The following GDPD4 variants were observed in gnomAD, a reference collection of about 807,000 sequenced individuals.
GDPD4 encodes the protein glycerophosphodiester phosphodiesterase 6.
A neutral mutation model predicts 67.8 loss-of-function variants in GDPD4; 60 were observed. The observed-to-expected ratio is 0.88, with a 90% confidence interval of 0.72 to 1.10. GDPD4 has a LOEUF of 1.10. Ranked by LOEUF, GDPD4 falls within the 50% of genes least tolerant of loss-of-function variation. The pLI is 0.00. For synonymous variants in GDPD4, 212 were observed against 210.9 expected (o/e 1.00, Z -0.04); for missense variants, 623 against 613.9 (o/e 1.01, Z -0.16).
chr11:77,220,901 C>T (rs969759138), intron 16 of GDPD4, among the ~76,000 whole-genome samples: 1 of 152,160 alleles, frequency 6.6e-6, no homozygotes, highest in Non-Finnish European at 1.5e-5. Flanking sequence ...TTGGTCTATT[C>T]AGGGATTCAA....
intron 13 of GDPD4, among the ~76,000 whole-genome samples, chr11:77,236,164 C>T (rs969408284): frequency 6.6e-6 from 1 of 151,698 alleles, no homozygotes; most frequent in Non-Finnish European, 1.5e-5. Context: ...TTTTCAGGTT[C>T]ACTATTGTTA....
At chr11:77,231,507 C>T (rs746619002) in intron 14 of GDPD4, among the ~76,000 whole-genome samples, 22 of 152,130 alleles carry the variant, frequency 1.4e-4, no homozygotes, top group Admixed American at 1.2e-3. Context: ...GGCTGGGAAC[C>T]ATGCATTGGG....
At chr11:77,233,208 C>A (rs1467297409) in intron 13 of GDPD4, 36 bp from the exon 14 acceptor site, 2 of 1,600,944 alleles carry the variant, frequency 1.2e-6, no homozygotes, top group Non-Finnish European at 8.6e-7. Flanking sequence ...GGATTTAGAT[C>A]AAGTTTCATT....
intron 3 of GDPD4, among the ~76,000 whole-genome samples, chr11:77,282,090 G>C (rs1192632226): frequency 6.6e-6 from 1 of 152,120 alleles, no homozygotes; most frequent in African/African-American, 2.4e-5. Flanking sequence ...GATGAGAATG[G>C]CTTATAACTC....
At chr11:77,266,683 C>T (rs897407001) in intron 10 of GDPD4, among the ~76,000 whole-genome samples, 3 of 152,022 alleles carry the variant, frequency 2.0e-5, no homozygotes, top group African/African-American at 4.8e-5. Flanking sequence ...GTGATATGAA[C>T]GATCCTGACC....
chr11:77,237,471 T>C (rs1565514102), intron 13 of GDPD4, among the ~76,000 whole-genome samples: 1 of 152,196 alleles, frequency 6.6e-6, no homozygotes, highest in Non-Finnish European at 1.5e-5. Context: ...TATAGAATAC[T>C]ACACCCAACA....
chr11:77,223,067 C>CCATCA (rs1007892455), intron 16 of GDPD4, among the ~76,000 whole-genome samples: 16 of 152,168 alleles, frequency 1.1e-4, no homozygotes, highest in Admixed American at 2.0e-4. Flanking sequence ...GTTTTCAGCT[C>CCATCA]CATCAGGTCA....
chr11:77,285,856 CA>C (rs1001158160), intron 2 of GDPD4, among the ~76,000 whole-genome samples: 3 of 152,110 alleles, frequency 2.0e-5, no homozygotes, highest in Admixed American at 6.5e-5. Context: ...AGCTCAAAGC[CA>C]AAATGGAGGT....
intron 13 of GDPD4, among the ~76,000 whole-genome samples, chr11:77,239,721 G>A (rs930299467): frequency 1.3e-5 from 2 of 152,178 alleles, no homozygotes; most frequent in Non-Finnish European, 2.9e-5. Context: ...AGCACTTTGG[G>A]GGGCTGAGGC....
rs145447502 is a variant in GDPD4, at chr11:77,219,165, G to C, written c.1526-1851C>G. ...AGTGACGATGAGCATTTTTTCATGT[G>C]TCTGTTGGCTGCATAAAGGTCTTCT... On this transcript the variant is annotated intron_variant, in intron 16 of 16. Coordinates refer to ENST00000315938, the MANE Select transcript of GDPD4 (RefSeq NM_182833.3). Among the ~76,000 whole-genome samples, 1,166 of 152,248 alleles carry C rather than the reference G, an allele frequency of 7.7e-3. 7 individuals carry two copies. The highest frequency in any genetic ancestry group is 0.027 in the Middle Eastern group (8 of 294).
At chr11:77,284,898 T>G (rs948196222) in intron 3 of GDPD4, among the ~76,000 whole-genome samples, 187 bp downstream of exon 3, 2 of 152,142 alleles carry the variant, frequency 1.3e-5, no homozygotes, top group Non-Finnish European at 2.9e-5. Context: ...GAAAGTACAA[T>G]AGGTTAGGGT....
chr11:77,290,113 T>C (rs1937724400), intron 1 of GDPD4, among the ~76,000 whole-genome samples: 1 of 152,148 alleles, frequency 6.6e-6, no homozygotes, highest in Admixed American at 6.5e-5. Flanking sequence ...ATAGTCAAAC[T>C]GCCAAAAGCC....
chr11:77,223,092 T>A (rs1358791331), intron 16 of GDPD4, among the ~76,000 whole-genome samples: 1 of 152,244 alleles, frequency 6.6e-6, no homozygotes, highest in African/African-American at 2.4e-5. Context: ...AGGTCTTCTC[T>A]ACACTGTTTA....
intron 4 of GDPD4, among the ~76,000 whole-genome samples, chr11:77,277,505 C>G (rs1462593205): frequency 6.8e-6 from 1 of 147,806 alleles, no homozygotes; most frequent in Non-Finnish European, 1.5e-5. Context: ...CAGGTTCACG[C>G]CATTCTCCTG....
At chr11:77,274,977 C>T (rs140585461) in intron 5 of GDPD4, among the ~76,000 whole-genome samples, 6 of 152,046 alleles carry the variant, frequency 3.9e-5, no homozygotes, top group Admixed American at 6.6e-5. Context: ...TTTGACAGTA[C>T]AGTAAGGTGA....
rs770201522 is a variant in GDPD4, at chr11:77,217,098, G to A, written c.*179C>T. ...GGTGGTTGAATCTCATGCTTGCCAG[G>A]CTTCAAAGGTGTGACAGCATTCTTG... On this transcript the variant is annotated 3_prime_UTR_variant, in exon 17 of 17. Coordinates refer to ENST00000315938, the MANE Select transcript of GDPD4 (RefSeq NM_182833.3). The A allele has an allele frequency of 1.4e-6, 1 of 709,624 alleles. No individual in the cohort carries two copies. Among genetic ancestry groups the A allele is most frequent in the Non-Finnish European group, 2.6e-6 (1 of 386,332 alleles). The allele number at this position is 709,624 out of a possible 1,614,324, so 44.0% of individuals were successfully genotyped here.
At chr11:77,221,874 T>C (rs200409244) in intron 16 of GDPD4, among the ~76,000 whole-genome samples, 134,520 of 150,634 alleles carry the variant, frequency 0.89, 60,237 homozygotes, top group Middle Eastern at 0.93. Context: ...TCTAAGTCTC[T>C]TTGTAGGTCA....
chr11:77,235,237 T>C (rs1174705734), intron 13 of GDPD4, among the ~76,000 whole-genome samples: 1 of 152,000 alleles, frequency 6.6e-6, no homozygotes, highest in African/African-American at 2.4e-5. Flanking sequence ...TGTTCATGGA[T>C]TGGAAATTCA....
intron 1 of GDPD4, among the ~76,000 whole-genome samples, chr11:77,301,200 G>C (rs1302767397): frequency 6.6e-6 from 1 of 151,992 alleles, no homozygotes; most frequent in Non-Finnish European, 1.5e-5. Context: ...ATTTCTCACA[G>C]GCACCTCAAA....
Sources: gnomAD v4.1 joint callset for allele counts (sites outside exome capture counted in the v4.1 genomes callset) on GRCh38, gnomAD v4.1.1 for gene constraint, MANE v1.5 for transcripts, NCBI Gene and HGNC (gene_info 2026-07-23, HGNC 2026-07-21) for gene names.